Variants in PDE8A observed in about 807,000 individuals in gnomAD.
The protein encoded by PDE8A is high affinity cAMP-specific and IBMX-insensitive 3',5'-cyclic phosphodiesterase 8A.
Under a neutral mutation model 105.0 loss-of-function variants are expected in PDE8A, and 59 were observed. The ratio of observed to expected loss-of-function variants is 0.56; its 90% CI spans 0.46 to 0.70. The LOEUF is 0.70. PDE8A is among the 30% of genes least tolerant of loss of function. PDE8A has a pLI of 0.00. For missense variants in PDE8A, 1,014 were observed against 1,045.9 expected (o/e 0.97, Z 0.42); for synonymous variants, 355 against 371.9 (o/e 0.95, Z 0.52).
intron 1 of PDE8A, among the ~76,000 whole-genome samples, chr15:85,003,641 G>A (rs1425595255): frequency 6.6e-6 from 1 of 152,138 alleles, no homozygotes; most frequent in East Asian, 1.9e-4. Flanking sequence ...TTACCCTGAG[G>A]CAGTTTGTAT....
intron 7 of PDE8A, among the ~76,000 whole-genome samples, chr15:85,089,965 AG>A (rs1048648135): frequency 1.3e-5 from 2 of 152,258 alleles, no homozygotes; most frequent in African/African-American, 4.8e-5. Flanking sequence ...ACAGCAAAAA[AG>A]GGAGTTGCAC....
At chr15:85,024,723 TA>T (rs899386382) in intron 1 of PDE8A, among the ~76,000 whole-genome samples, 1 of 152,226 alleles carries the variant, frequency 6.6e-6, no homozygotes, top group Non-Finnish European at 1.5e-5. Context: ...TTCATTCCCC[TA>T]TTGACTCTTA....
chr15:85,126,756 A>C (rs1033752869), intron 20 of PDE8A, among the ~76,000 whole-genome samples: 4 of 152,214 alleles, frequency 2.6e-5, no homozygotes, highest in African/African-American at 9.6e-5. Context: ...ATGCATATGC[A>C]TACAGATTCA....
intron 1 of PDE8A, among the ~76,000 whole-genome samples, chr15:85,006,992 A>G (rs2080158328): frequency 6.6e-6 from 1 of 152,174 alleles, no homozygotes; most frequent in Admixed American, 6.5e-5. Flanking sequence ...TGTGCATTTA[A>G]TTACCATTCT....
chr15:85,049,952 A>G (rs1596472443), intron 1 of PDE8A, among the ~76,000 whole-genome samples: 1 of 152,302 alleles, frequency 6.6e-6, no homozygotes. Flanking sequence ...TTCCATCAAC[A>G]GGGCACAGAG....
intron 1 of PDE8A, among the ~76,000 whole-genome samples, chr15:85,051,137 T>A (rs1297493668): frequency 6.6e-6 from 1 of 152,214 alleles, no homozygotes; most frequent in Non-Finnish European, 1.5e-5. Flanking sequence ...GAAATGCAGC[T>A]TGTTTGGTGT....
chr15:85,088,437 A>C (rs1000607664), intron 6 of PDE8A, among the ~76,000 whole-genome samples: 1 of 152,260 alleles, frequency 6.6e-6, no homozygotes, highest in African/African-American at 2.4e-5. Flanking sequence ...GCATATATCA[A>C]GACTTCGTGT....
intron 8 of PDE8A, among the ~76,000 whole-genome samples, chr15:85,093,568 C>CCTT (rs56332888): frequency 0.5 from 75,981 of 151,766 alleles, 19,600 homozygotes; most frequent in African/African-American, 0.65. Flanking sequence ...TGAAGTTTGA[C>CCTT]CTTGGGGCAG....
At chr15:85,111,016 A>AT (rs1361795724) in intron 12 of PDE8A, among the ~76,000 whole-genome samples, 1 of 152,090 alleles carries the variant, frequency 6.6e-6, no homozygotes, top group East Asian at 1.9e-4. Context: ...TTTATTGGTC[A>AT]TTTGGATAAT....
At chr15:85,000,933 T>C (rs539031061) in intron 1 of PDE8A, among the ~76,000 whole-genome samples, 5 of 152,332 alleles carry the variant, frequency 3.3e-5, no homozygotes, top group African/African-American at 9.6e-5. Flanking sequence ...AACCAGAACC[T>C]ACATGCAGAG....
intron 3 of PDE8A, among the ~76,000 whole-genome samples, chr15:85,072,947 T>A (rs375448591): frequency 6.7e-6 from 1 of 149,658 alleles, no homozygotes; most frequent in African/African-American, 2.5e-5. Flanking sequence ...ACCCTATCTT[T>A]ACAAAACATC....
chr15:85,103,179 G>A (rs1362043609), intron 11 of PDE8A, among the ~76,000 whole-genome samples: 4 of 152,120 alleles, frequency 2.6e-5, no homozygotes, highest in African/African-American at 4.8e-5. Flanking sequence ...CTGAGATCGC[G>A]CCACTGCACT....
intron 1 of PDE8A, among the ~76,000 whole-genome samples, chr15:85,022,661 G>C (rs1490552852): frequency 6.6e-6 from 1 of 151,130 alleles, no homozygotes; most frequent in East Asian, 1.9e-4. Context: ...CAATTCTCCT[G>C]CCCCAGCCTC....
chr15:85,088,128 C>T (rs1315633989), intron 6 of PDE8A, among the ~76,000 whole-genome samples: 1 of 152,206 alleles, frequency 6.6e-6, no homozygotes, highest in Non-Finnish European at 1.5e-5. Context: ...AAGAGATTCT[C>T]CTGCCTCAGG....
chr15:85,019,943 G>GT (rs201634002), intron 1 of PDE8A, among the ~76,000 whole-genome samples: 3,425 of 64,762 alleles, frequency 0.053, 266 homozygotes, highest in East Asian at 0.065. Context: ...TTTTTTTTTG[G>GT]TTTTTTTTTT....
chr15:85,013,921 T>C (rs1353542678), intron 1 of PDE8A, among the ~76,000 whole-genome samples: 4 of 152,148 alleles, frequency 2.6e-5, no homozygotes, highest in East Asian at 3.9e-4. Context: ...GTGTGTCAGC[T>C]TCACAGGGCT....
chr15:85,137,349 T>A (rs2082427535), intron 21 of PDE8A, among the ~76,000 whole-genome samples: 1 of 152,038 alleles, frequency 6.6e-6, no homozygotes, highest in South Asian at 2.1e-4. Context: ...ACCAGACGCG[T>A]GTGTCCCCAG....
At chr15:84,992,426 G>A (rs896632814) in intron 1 of PDE8A, among the ~76,000 whole-genome samples, 5 of 152,148 alleles carry the variant, frequency 3.3e-5, no homozygotes, top group African/African-American at 9.7e-5. Context: ...GAGATAGGAC[G>A]GGAGGTCTAA....
chr15:85,097,860 A>G (rs559494030), intron 8 of PDE8A, 88 bp from the exon 9 acceptor site: 2 of 735,804 alleles, frequency 2.7e-6, no homozygotes, highest in East Asian at 2.5e-5. Context: ...TGCTTTAGCA[A>G]TGTAAGTGAA....
Sources: allele counts gnomAD v4.1 joint callset (sites outside exome capture counted in the v4.1 genomes callset), GRCh38; gene constraint gnomAD v4.1.1; transcripts MANE v1.5; gene names NCBI Gene and HGNC (gene_info 2026-07-23, HGNC 2026-07-21).